The following EXTL3 variants were observed in gnomAD, a reference collection of about 807,000 sequenced individuals.
EXTL3 encodes exostosin-like 3.
Under a neutral mutation model 69.3 loss-of-function variants are expected in EXTL3, and 27 were observed. The ratio of observed to expected loss-of-function variants is 0.39; its 90% CI spans 0.29 to 0.54. EXTL3 has a LOEUF of 0.54. Among genes scored for constraint, EXTL3 ranks in the 20% least tolerant of loss-of-function variants. The pLI is 0.69. For synonymous variants in EXTL3, 511 were observed against 499.4 expected (o/e 1.02, Z -0.31); for missense variants, 1,003 against 1,231.8 (o/e 0.81, Z 2.78).
intron 2 of EXTL3, among the ~76,000 whole-genome samples, chr8:28,608,579 C>T (rs1806233695): frequency 6.6e-6 from 1 of 151,976 alleles, no homozygotes; most frequent in African/African-American, 2.4e-5. Context: ...AAGAAATAAC[C>T]TGGCCAGGCA....
At chr8:28,711,225 TTTTC>T (rs1276678018) in intron 1 of EXTL3, among the ~76,000 whole-genome samples, 1 of 152,202 alleles carries the variant, frequency 6.6e-6, no homozygotes, top group African/African-American at 2.4e-5. Flanking sequence ...CTTTTCCCTT[TTTTC>T]TTTGTCATTC....
chr8:28,690,897 G>A (rs1800604401), intron 1 of EXTL3, among the ~76,000 whole-genome samples: 1 of 152,140 alleles, frequency 6.6e-6, no homozygotes, highest in South Asian at 2.1e-4. Flanking sequence ...CTTCACAACT[G>A]TGTGAATACC....
rs1043597929 is a variant in EXTL3, at chr8:28,754,989, G to A, written c.*4123G>A. 1 of 152,234 alleles carries A rather than the reference G, an allele frequency of 6.6e-6. No individual in the cohort carries two copies. The highest frequency in any genetic ancestry group is 1.5e-5 in the Non-Finnish European group (1 of 68,052). 9.4% of individuals were successfully genotyped at this position (152,234 alleles called of 1,614,324 possible). A position where few individuals can be genotyped will look rare whatever the true frequency, so the allele number is the denominator to read the frequency against. ...TGGGCCCTGGAACAGACTGGGTGCA[G>A]ATCTTGGGCTGCCCATCACACTGGT... On this transcript the variant is annotated 3_prime_UTR_variant, in exon 7 of 7. Transcript: ENST00000220562.
chr8:28,667,635 C>T (rs149048402), intron 1 of EXTL3, among the ~76,000 whole-genome samples: 2 of 147,672 alleles, frequency 1.4e-5, no homozygotes, highest in East Asian at 4.1e-4. Context: ...ATCAGAAGCA[C>T]TTAGGTTCAG....
In EXTL3 at chr8:28,753,391, CTG is replaced by C. The variant is rs1372265529; in HGVS notation, c.*2527_*2528del. The C allele has an allele frequency of 1.3e-5, 2 of 152,548 alleles. No homozygotes were observed. Among genetic ancestry groups the C allele is most frequent in the Non-Finnish European group, 2.9e-5 (2 of 68,320 alleles). The allele number at this position is 152,548 out of a possible 1,614,324, so 9.4% of individuals were successfully genotyped here. On this transcript the variant is annotated 3_prime_UTR_variant, in exon 7 of 7. Coordinates refer to ENST00000220562, the MANE Select transcript of EXTL3 (RefSeq NM_001440.4). ...GGCCGGCTTGCTGCTCCGGTTTGGG[CTG>C]TCTTACCATAACACCGTCCCAGGGC...
At chr8:28,631,965 G>A (rs951179922) in intron 1 of EXTL3, among the ~76,000 whole-genome samples, 6 of 151,882 alleles carry the variant, frequency 4.0e-5, no homozygotes, top group Non-Finnish European at 5.9e-5. Context: ...GTGCACGCCT[G>A]TAGTCCTAGC....
chr8:28,695,128 G>A (rs996501277), intron 1 of EXTL3, among the ~76,000 whole-genome samples: 3 of 138,648 alleles, frequency 2.2e-5, no homozygotes, highest in Non-Finnish European at 3.1e-5. Flanking sequence ...AGTAAATGAG[G>A]ATTTTTTTTT....
At chr8:28,631,143 CT>C (rs10659135) in intron 1 of EXTL3, among the ~76,000 whole-genome samples, 67 of 144,722 alleles carry the variant, frequency 4.6e-4, no homozygotes, top group South Asian at 8.8e-4. Flanking sequence ...TTAGAGAGGA[CT>C]TTTTTTTTTT....
At chr8:28,711,721 TCATTAA>T (rs1328376444) in intron 1 of EXTL3, among the ~76,000 whole-genome samples, 1 of 152,202 alleles carries the variant, frequency 6.6e-6, no homozygotes, top group East Asian at 1.9e-4. Flanking sequence ...GTTAATGGAT[TCATTAA>T]CATTATGTTG....
intron 6 of EXTL3, among the ~76,000 whole-genome samples, chr8:28,744,432 C>T (rs1392081193): frequency 1.3e-5 from 2 of 151,726 alleles, no homozygotes; most frequent in East Asian, 1.9e-4. Flanking sequence ...CTGAGGCAGG[C>T]GGATCACTTG....
chr8:28,624,969 A>C lies in EXTL3; in HGVS notation c.-53+2159A>C, dbSNP rs1380173531. On this transcript the variant is annotated intron_variant, in intron 1 of 6. Coordinates refer to the EXTL3 transcript ENST00000523149. ...CTGTGAATACACACACGTTAGGTTA[A>C]TTTAAAAAATGACCCACTGTTTTTT... is the stretch of plus-strand genomic sequence containing the variant. Among the ~76,000 whole-genome samples, 5 of 152,242 alleles carry C rather than the reference A, an allele frequency of 3.3e-5. No individual in the cohort carries two copies. The East Asian group carries it at 9.6e-4, about 29-fold the overall frequency.
Position 28,665,367 on chromosome 8 carries a change from G to A in EXTL3, c.-53+42557G>A, listed in dbSNP as rs367854868. ...TGGGGTTATAGGCGTGAGCCACCAC[G>A]TCTGGCCACCTTTACTTTCATATCT... On this transcript the variant is annotated intron_variant, in intron 1 of 6. Coordinates refer to the EXTL3 transcript ENST00000523149. 2.3e-4 allele frequency among the ~76,000 whole-genome samples: 35 copies of A among 149,802 alleles called. No individual in the cohort carries two copies. The South Asian group carries it at 4.4e-3, about 19-fold the overall frequency.
intron 4 of EXTL3, among the ~76,000 whole-genome samples, chr8:28,733,559 CA>C (rs1379557441): frequency 1.3e-5 from 2 of 148,720 alleles, no homozygotes; most frequent in Admixed American, 1.3e-4. Flanking sequence ...CTAATCTTTA[CA>C]TTTTTTTTTT....
rs751017977 is a variant in EXTL3, at chr8:28,716,853, A to G, written c.794A>G (p.His265Arg). Reference sequence around the variant, plus strand: ...GAGAAGCAGTTGTATTCCCTGCCACACTGGCGGACGGATGGACACAACCAT... The same window carrying G: ...GAGAAGCAGTTGTATTCCCTGCCACGCTGGCGGACGGATGGACACAACCAT... ...ELEKQLYSLPHWRTDGHNHVI... is the reference protein window; with the variant it reads ...ELEKQLYSLPRWRTDGHNHVI... Residue 265 changes from histidine (H) to arginine (R), a missense_variant, in exon 3 of 7, where the codon CAC becomes CGC. His to Arg is a conservative substitution (Grantham distance 29, BLOSUM62 0). Around this residue, in one of 2 missense-constraint regions of EXTL3, gnomAD observed 742 missense variants for 815.4 expected, o/e 0.91. Transcript: ENST00000220562. The surrounding 1 kb of genome is among the most constrained non-coding windows in gnomAD (Gnocchi z 7.1). 3 of 1,614,212 alleles carry G rather than the reference A, an allele frequency of 1.9e-6. No homozygotes were observed. Among genetic ancestry groups the G allele is most frequent in the Non-Finnish European group, 2.5e-6 (3 of 1,180,040 alleles).
intron 1 of EXTL3, among the ~76,000 whole-genome samples, chr8:28,694,675 C>T (rs935354372): frequency 6.6e-6 from 1 of 152,152 alleles, no homozygotes. Context: ...GTTAAAGGAG[C>T]ACATGGGATG....
chr8:28,736,175 A>T (rs1043432318), intron 4 of EXTL3, among the ~76,000 whole-genome samples: 8 of 152,114 alleles, frequency 5.3e-5, no homozygotes, highest in Non-Finnish European at 7.4e-5. Flanking sequence ...GCCACAATTT[A>T]AAAAAAATCA....
rs547633187 is a variant in EXTL3, at chr8:28,650,324, AATTG to A, written c.-53+27519_-53+27522del. 4.7e-3 allele frequency among the ~76,000 whole-genome samples: 706 copies of A among 151,584 alleles called. 3 individuals are homozygous for A. Among genetic ancestry groups the A allele is most frequent in the African/African-American group, 0.016 (666 of 41,292 alleles). ...TTTTTCTTTTCTTTTTAATATGGATAATTGATTGGTTCAGCACCTTTATTGTATT... is the reference window on the plus strand; with the variant it reads ...TTTTTCTTTTCTTTTTAATATGGATAATTGGTTCAGCACCTTTATTGTATT... On this transcript the variant is annotated intron_variant, in intron 1 of 6. Transcript: ENST00000523149.
At chr8:28,627,874 C>T (rs1806516118) in intron 1 of EXTL3, among the ~76,000 whole-genome samples, 1 of 151,920 alleles carries the variant, frequency 6.6e-6, no homozygotes, top group Admixed American at 6.6e-5. Context: ...TATGAGGTCC[C>T]TAAAGCAGTC....
At chr8:28,675,177 A>C (rs1807360139) in intron 1 of EXTL3, among the ~76,000 whole-genome samples, 1 of 152,214 alleles carries the variant, frequency 6.6e-6, no homozygotes, top group Non-Finnish European at 1.5e-5. Context: ...CAAACAGTCC[A>C]TCCAGAGGCC....
Sources: gnomAD v4.1 joint callset for allele counts (sites outside exome capture counted in the v4.1 genomes callset) on GRCh38, gnomAD v4.1.1 for gene constraint, gnomAD v4.1.1 regional missense constraint, Gnocchi (gnomAD v3.1) non-coding constraint, MANE v1.5 for transcripts, NCBI Gene and HGNC (gene_info 2026-07-23, HGNC 2026-07-21) for gene names.